Variants in STPG2 observed in about 807,000 individuals in gnomAD.
STPG2 encodes the protein sperm-tail PG-rich repeat-containing protein 2.
A neutral mutation model predicts 54.2 loss-of-function variants in STPG2; 56 were observed. That is an observed-to-expected ratio of 1.03 (90% CI 0.83 to 1.29). The LOEUF (loss-of-function observed/expected upper bound fraction) is 1.29, where lower values mean the gene tolerates loss of function less well. Ranked by LOEUF, STPG2 falls within the 50% of genes most tolerant of loss-of-function variation. The pLI is 0.00. For missense variants in STPG2, 596 were observed against 544.9 expected, an observed-to-expected ratio of 1.09 and a Z score of -0.93; for synonymous variants, 200 against 181.8, an observed-to-expected ratio of 1.10 and a Z score of -0.81.
intron 8 of STPG2, among the ~76,000 whole-genome samples, chr4:97,865,091 T>C (rs1164213728): frequency 1.3e-5 from 2 of 152,004 alleles, no homozygotes; most frequent in Non-Finnish European, 2.9e-5. Flanking sequence ...AATTGACAAA[T>C]GGGATCTCAT....
intron 5 of STPG2, among the ~76,000 whole-genome samples, chr4:98,054,423 T>C (rs1737421539): frequency 6.6e-6 from 1 of 152,192 alleles, no homozygotes; most frequent in South Asian, 2.1e-4. Flanking sequence ...AACCTTTGCA[T>C]TGGATTATAA....
intron 5 of STPG2, among the ~76,000 whole-genome samples, chr4:98,063,761 C>T (rs1184895014): frequency 6.6e-6 from 1 of 151,582 alleles, no homozygotes; most frequent in Non-Finnish European, 1.5e-5. Context: ...ACAAGAAGCC[C>T]AGGAACAGTG....
rs116039489 is a variant in STPG2, at chr4:97,569,336, G to A, written c.1321-10219C>T. Among the ~76,000 whole-genome samples the A allele has an allele frequency of 6.9e-3, 1,050 of 152,228 alleles. 15 individuals carry two copies. The highest frequency in any genetic ancestry group is 7.5e-3 in the Non-Finnish European group (510 of 68,016). On this transcript the variant is annotated intron_variant, in intron 10 of 10. Coordinates refer to ENST00000295268, the MANE Select transcript of STPG2 (RefSeq NM_174952.3). ...CTATGAGCAGTGAGGACAATAAGAC[G>A]TCACTTTTGTCACCATCTTGGTTTT...
rs185601164 is a variant in STPG2, at chr4:97,635,652, G to C, written c.1321-76535C>G. On this transcript the variant is annotated intron_variant, in intron 10 of 10. Coordinates refer to ENST00000295268, the MANE Select transcript of STPG2 (RefSeq NM_174952.3). The stretch of plus-strand genomic sequence containing the variant: ...AATAAAGGGATGGAGGAAGATCTAC[G>C]AAGCAAATGGAAAACAAAAAAAGGC... 5.2e-3 allele frequency among the ~76,000 whole-genome samples: 787 copies of C among 152,160 alleles called. 9 individuals are homozygous for C. The highest frequency in any genetic ancestry group is 0.018 in the African/African-American group (735 of 41,494).
intron 4 of STPG2, among the ~76,000 whole-genome samples, chr4:97,541,124 A>T (rs1026256122): frequency 3.3e-4 from 50 of 152,216 alleles, no homozygotes; most frequent in African/African-American, 1.2e-3. Context: ...GGCCAGGGCA[A>T]TCAGGCAGGA....
chr4:98,139,684 A>T (rs1740228856), intron 1 of STPG2, among the ~76,000 whole-genome samples: 1 of 152,172 alleles, frequency 6.6e-6, no homozygotes, highest in South Asian at 2.1e-4. Context: ...CTAAAACAAA[A>T]TGTATAGGAT....
intron 10 of STPG2, among the ~76,000 whole-genome samples, chr4:97,600,224 G>A (rs1733422522): frequency 1.3e-5 from 2 of 152,018 alleles, no homozygotes; most frequent in African/African-American, 4.8e-5. Context: ...CTGTACATGT[G>A]CCCCAACCCT....
chr4:97,940,582 G>T (rs1485089024), intron 8 of STPG2, among the ~76,000 whole-genome samples: 3 of 152,002 alleles, frequency 2.0e-5, no homozygotes, highest in African/African-American at 7.2e-5. Flanking sequence ...ACACAGCTTG[G>T]TTTCTTCTGC....
chr4:97,566,951 G>A (rs1303682298), intron 10 of STPG2, among the ~76,000 whole-genome samples: 1 of 151,446 alleles, frequency 6.6e-6, no homozygotes, highest in East Asian at 1.9e-4. Flanking sequence ...GTTAATGGGC[G>A]CAGCACACCA....
At position 97,444,979 on chromosome 4, in the gene STPG2, G is replaced by A. The variant is rs541461209; in HGVS notation, c.463-257146C>T. 4.2e-3 allele frequency among the ~76,000 whole-genome samples: 637 copies of A among 152,316 alleles called. 3 individuals are homozygous for A. The highest frequency in any genetic ancestry group is 0.02 in the South Asian group (97 of 4,826). On this transcript the variant is annotated intron_variant, in intron 4 of 4. Coordinates refer to the STPG2 transcript ENST00000522676. ...GTGAACCCAGGAGGCAGAGCTTGCA[G>A]TGAGTGGAGATCGTGCCACTGCACT...
At chr4:97,979,715 A>G (rs1734609354) in intron 6 of STPG2, among the ~76,000 whole-genome samples, 1 of 149,154 alleles carries the variant, frequency 6.7e-6, no homozygotes, top group Non-Finnish European at 1.5e-5. Flanking sequence ...ATGAGGCCTC[A>G]TTTCCACAAT....
chr4:97,901,534 C>A (rs1455806342), intron 8 of STPG2, among the ~76,000 whole-genome samples: 2 of 151,856 alleles, frequency 1.3e-5, no homozygotes, highest in Non-Finnish European at 1.5e-5. Flanking sequence ...CTTGCACTAA[C>A]AACAAACTAT....
intron 9 of STPG2, among the ~76,000 whole-genome samples, chr4:97,754,415 TC>T (rs1297232830): frequency 2.6e-5 from 4 of 152,096 alleles, no homozygotes; most frequent in Non-Finnish European, 5.9e-5. Flanking sequence ...AAAGCCAAGC[TC>T]CTATGCTCAG....
At chr4:97,885,350 C>A (rs1469246800) in intron 8 of STPG2, among the ~76,000 whole-genome samples, 1 of 152,186 alleles carries the variant, frequency 6.6e-6, no homozygotes, top group African/African-American at 2.4e-5. Context: ...AACTGGGCAT[C>A]ATGACATCCC....
intron 8 of STPG2, among the ~76,000 whole-genome samples, chr4:97,870,523 T>C (rs928122964): frequency 1.3e-5 from 2 of 151,310 alleles, no homozygotes; most frequent in Non-Finnish European, 3.0e-5. Context: ...TAATAAAAAG[T>C]CTGTGATCAT....
chr4:97,692,960 G>A (rs1390467562), intron 10 of STPG2, among the ~76,000 whole-genome samples: 1 of 152,052 alleles, frequency 6.6e-6, no homozygotes, highest in Non-Finnish European at 1.5e-5. Context: ...CTTCATAAAT[G>A]AAGGAAAGAT....
intron 9 of STPG2, among the ~76,000 whole-genome samples, chr4:97,719,240 G>A (rs1724377274): frequency 6.6e-6 from 1 of 151,834 alleles, no homozygotes. Context: ...AGCTCACAGG[G>A]TTTATTCACT....
intron 5 of STPG2, among the ~76,000 whole-genome samples, chr4:98,071,654 C>T (rs146257227): frequency 6.6e-6 from 1 of 151,986 alleles, no homozygotes; most frequent in Non-Finnish European, 1.5e-5. Flanking sequence ...AAAAATTTTG[C>T]AATATATCGA....
intron 4 of STPG2, among the ~76,000 whole-genome samples, chr4:97,482,191 A>G (rs1428202408): frequency 1.3e-4 from 19 of 151,606 alleles, no homozygotes; most frequent in Non-Finnish European, 3.0e-5. Context: ...CCATTTAGTC[A>G]TAATGTATTA....
Sources: allele counts gnomAD v4.1 joint callset (sites outside exome capture counted in the v4.1 genomes callset), GRCh38; gene constraint gnomAD v4.1.1; transcripts MANE v1.5; gene names NCBI Gene and HGNC (gene_info 2026-07-23, HGNC 2026-07-21).